LRBA: variants seen among roughly 807,000 people sequenced by gnomAD.
LRBA encodes LPS responsive beige-like anchor protein, also known as lipopolysaccharide-responsive and beige-like anchor protein.
Under a neutral mutation model 330.0 loss-of-function variants are expected in LRBA, and 176 were observed. The ratio of observed to expected loss-of-function variants is 0.53; its 90% CI spans 0.47 to 0.60. The LOEUF (loss-of-function observed/expected upper bound fraction) is 0.60. LRBA is among the 20% of genes least tolerant of loss of function. LRBA has a pLI of 0.00. For missense variants in LRBA, 3,259 were observed against 3,444.8 expected (o/e 0.95, Z 1.35); for synonymous variants, 1,230 against 1,193.0 (o/e 1.03, Z -0.64).
At chr4:150,362,531 A>G (rs1738868312) in intron 47 of LRBA, among the ~76,000 whole-genome samples, 1 of 152,182 alleles carries the variant, frequency 6.6e-6, no homozygotes, top group African/African-American at 2.4e-5. Flanking sequence ...CACCAAAATT[A>G]GCTGGAGAAC....
chr4:150,506,308 C>T (rs1248679852), intron 40 of LRBA, among the ~76,000 whole-genome samples: 2 of 152,092 alleles, frequency 1.3e-5, no homozygotes, highest in African/African-American at 2.4e-5. Context: ...CCTTGATGAA[C>T]ATTGATGCAA....
chr4:150,481,546 C>G (rs572873521), intron 42 of LRBA, among the ~76,000 whole-genome samples: 1 of 152,032 alleles, frequency 6.6e-6, no homozygotes, highest in Non-Finnish European at 1.5e-5. Context: ...TCCCTCATAA[C>G]CCTCTGCAGC....
intron 40 of LRBA, among the ~76,000 whole-genome samples, chr4:150,538,655 G>A (rs1318459180): frequency 6.6e-6 from 1 of 151,828 alleles, no homozygotes; most frequent in Non-Finnish European, 1.5e-5. Flanking sequence ...GATGGGGAGG[G>A]GTAAAAGGGG....
intron 33 of LRBA, among the ~76,000 whole-genome samples, chr4:150,805,617 A>AG (rs1491240003): frequency 7.0e-6 from 1 of 142,714 alleles, no homozygotes; most frequent in East Asian, 2.1e-4. Flanking sequence ...AAAGGAAAGG[A>AG]AAGGAAAGGA....
In LRBA at chr4:150,908,283, T is replaced by C. The variant is rs768008206; in HGVS notation, c.1493+51A>G. ...GGCAAAATATTGTATAGCTCAACAGTGATGAAATTAACCCTCACAGCCAAT... is the reference window on the plus strand; with the variant it reads ...GGCAAAATATTGTATAGCTCAACAGCGATGAAATTAACCCTCACAGCCAAT... On this transcript the variant is annotated intron_variant, in intron 11 of 56. Transcript: ENST00000651943. The C allele has an allele frequency of 1.9e-6, 3 of 1,573,354 alleles. No individual in the cohort carries two copies. In the East Asian group the frequency reaches 6.8e-5, roughly 36 times the overall value.
At position 150,429,501 on chromosome 4, in the gene LRBA, T is replaced by C. The variant is rs1210186738; in HGVS notation, c.7041+6088A>G. Among the ~76,000 whole-genome samples, 7 of 152,160 alleles carry C rather than the reference T, an allele frequency of 4.6e-5. No individual in the cohort carries two copies. The East Asian group carries it at 9.7e-4, about 21-fold the overall frequency. Reference sequence around the variant, plus strand: ...TACTCAAATAGGAAACCATTTACGATAGGGGGAAGACTGTAAGAATAGCTT... The same window carrying C: ...TACTCAAATAGGAAACCATTTACGACAGGGGGAAGACTGTAAGAATAGCTT... On this transcript the variant is annotated intron_variant, in intron 46 of 56. Transcript: ENST00000651943.
intron 40 of LRBA, among the ~76,000 whole-genome samples, chr4:150,538,065 C>G (rs1006244209): frequency 6.6e-6 from 1 of 152,140 alleles, no homozygotes; most frequent in Non-Finnish European, 1.5e-5. Flanking sequence ...CAGAGAAATT[C>G]AATTCAAAAC....
intron 36 of LRBA, 33 bp from the exon 37 acceptor site, chr4:150,683,750 ATGTG>A: frequency 1.3e-6 from 2 of 1,490,016 alleles, no homozygotes; most frequent in South Asian, 1.3e-5. Context: ...ACTATAAAAA[ATGTG>A]AAAAAAACCT....
chr4:150,524,157 A>G (rs920926146), intron 40 of LRBA, among the ~76,000 whole-genome samples: 5 of 152,210 alleles, frequency 3.3e-5, no homozygotes, highest in African/African-American at 9.6e-5. Context: ...GAGTACTTAT[A>G]GTCTCCTACA....
At chr4:150,384,689 T>C (rs1460137257) in intron 47 of LRBA, among the ~76,000 whole-genome samples, 1 of 152,106 alleles carries the variant, frequency 6.6e-6, no homozygotes, top group Non-Finnish European at 1.5e-5. Flanking sequence ...TATATTTTGG[T>C]TAAATAAGGC....
intron 37 of LRBA, among the ~76,000 whole-genome samples, chr4:150,601,435 T>C (rs980830253): frequency 6.6e-6 from 1 of 151,670 alleles, no homozygotes; most frequent in Admixed American, 6.6e-5. Context: ...ATAAAATTAT[T>C]CACAAATTAT....
intron 40 of LRBA, among the ~76,000 whole-genome samples, chr4:150,558,691 A>G (rs183100502): frequency 6.6e-6 from 1 of 152,318 alleles, no homozygotes; most frequent in East Asian, 1.9e-4. Flanking sequence ...CTGGAGTGTC[A>G]TTACTTCTAG....
At chr4:150,594,777 A>C (rs569913032) in intron 38 of LRBA, among the ~76,000 whole-genome samples, 2 of 152,150 alleles carry the variant, frequency 1.3e-5, no homozygotes, top group East Asian at 3.9e-4. Context: ...TAAGAGAGAG[A>C]GGCTGGTCCC....
chr4:150,941,174 T>G (rs1055450853), intron 2 of LRBA, among the ~76,000 whole-genome samples: 5 of 152,076 alleles, frequency 3.3e-5, no homozygotes, highest in African/African-American at 1.2e-4. Flanking sequence ...TATATATATT[T>G]TGAGATGGAG....
At chr4:150,818,455 A>G (rs1744913528) in intron 30 of LRBA, among the ~76,000 whole-genome samples, 1 of 151,756 alleles carries the variant, frequency 6.6e-6, no homozygotes, top group African/African-American at 2.4e-5. Context: ...CCCCAATCCA[A>G]AATGGTGTGC....
At chr4:150,626,497 T>C (rs980568929) in intron 37 of LRBA, among the ~76,000 whole-genome samples, 2 of 152,182 alleles carry the variant, frequency 1.3e-5, no homozygotes. Context: ...GTCATCTTCA[T>C]ACTCTAGGGG....
At chr4:150,623,641 T>C (rs1381082475) in intron 37 of LRBA, among the ~76,000 whole-genome samples, 1 of 152,100 alleles carries the variant, frequency 6.6e-6, no homozygotes, top group Non-Finnish European at 1.5e-5. Context: ...ACTTTCTGGG[T>C]AGGGATAAGT....
intron 37 of LRBA, among the ~76,000 whole-genome samples, chr4:150,683,179 TA>T (rs1294673768): frequency 2.0e-5 from 3 of 152,134 alleles, no homozygotes; most frequent in African/African-American, 7.2e-5. Flanking sequence ...TTTTTTAAAA[TA>T]AAATGTTATA....
intron 34 of LRBA, among the ~76,000 whole-genome samples, chr4:150,792,856 G>C (rs537257332): frequency 6.6e-6 from 1 of 152,110 alleles, no homozygotes; most frequent in Admixed American, 6.5e-5. Flanking sequence ...CTAGGCGGGC[G>C]AATCACCTGA....
Sources: gnomAD v4.1 joint callset for allele counts (sites outside exome capture counted in the v4.1 genomes callset) on GRCh38, gnomAD v4.1.1 for gene constraint, MANE v1.5 for transcripts, NCBI Gene and HGNC (gene_info 2026-07-23, HGNC 2026-07-21) for gene names.